Variants in ITGAX observed in about 807,000 individuals in gnomAD.
ITGAX encodes the protein integrin alpha-X.
A neutral mutation model predicts 140.2 loss-of-function variants in ITGAX; 99 were observed. The observed-to-expected ratio is 0.71, with a 90% CI of 0.60 to 0.83. The LOEUF (loss-of-function observed/expected upper bound fraction) is 0.83. Among genes scored for constraint, ITGAX ranks in the 40% least tolerant of loss-of-function variants. The pLI, the probability that ITGAX is intolerant of heterozygous loss-of-function variation, is 0.00. For synonymous variants in ITGAX, 631 were observed against 600.4 expected (o/e 1.05, Z -0.75); for missense variants, 1,444 against 1,482.0 (o/e 0.97, Z 0.42).
intron 14 of ITGAX, among the ~76,000 whole-genome samples, chr16:31,364,130 A>G (rs1377824613): frequency 6.6e-6 from 1 of 152,168 alleles, no homozygotes; most frequent in Non-Finnish European, 1.5e-5. Flanking sequence ...CTGTTAAAAA[A>G]TAGGCAAAGG....
chr16:31,380,766 G>A, intron 28 of ITGAX, 131 bp from the exon 29 acceptor site: 19 of 1,260,338 alleles, frequency 1.5e-5, no homozygotes, highest in Non-Finnish European at 2.1e-5. Context: ...AAGGGCACGG[G>A]TGCTGCTGTG....
rs1479931216 is a variant in ITGAX at position 31,382,277 on chromosome 16, G to A, written c.*370G>A. The A allele has an allele frequency of 4.3e-4, 386 of 894,106 alleles. 2 individuals are homozygous for A. The highest frequency in any genetic ancestry group is 2.0e-3 in the Middle Eastern group (5 of 2,534). The allele number at this position is 894,106 out of a possible 1,614,324, so 55.4% of individuals were successfully genotyped here. A position where few individuals can be genotyped will look rare whatever the true frequency, so the allele number is the denominator to read the frequency against. On this transcript the variant is annotated 3_prime_UTR_variant, in exon 30 of 30. Transcript: ENST00000268296. ...TTTTTTTTTTTTGAGACGGAGTCTC[G>A]CTCTGTCACCCAGGCTGGAGTGCAA... is the stretch of plus-strand genomic sequence containing the variant.
intron 12 of ITGAX, 31 bp from the exon 13 acceptor site, chr16:31,362,904 C>T: frequency 3.1e-6 from 5 of 1,610,494 alleles, no homozygotes; most frequent in Non-Finnish European, 4.2e-6. Flanking sequence ...CTGGCAGGGA[C>T]AGGCAGCATG....
intron 14 of ITGAX, among the ~76,000 whole-genome samples, chr16:31,367,400 G>A (rs895999918): frequency 1.7e-4 from 26 of 152,204 alleles, no homozygotes; most frequent in Admixed American, 2.0e-4. Context: ...TGGCTTCAAA[G>A]CTTCAAAGGA....
At chr16:31,369,194 G>A (rs1201591022) in intron 14 of ITGAX, among the ~76,000 whole-genome samples, 2 of 151,536 alleles carry the variant, frequency 1.3e-5, no homozygotes, top group Admixed American at 6.6e-5. Context: ...CCGGGCAGAG[G>A]TGCCCCTCAC....
chr16:31,369,468 T>G (rs567034069), intron 14 of ITGAX, among the ~76,000 whole-genome samples: 1 of 152,370 alleles, frequency 6.6e-6, no homozygotes, highest in South Asian at 2.1e-4. Flanking sequence ...AGAAATTTCA[T>G]GAAAGGAAGA....
chr16:31,358,699 G>A (rs1209448717), intron 5 of ITGAX, among the ~76,000 whole-genome samples: 1 of 152,056 alleles, frequency 6.6e-6, no homozygotes, highest in Non-Finnish European at 1.5e-5. Flanking sequence ...ATTGCTGGAT[G>A]GGGTGACATT....
chr16:31,369,358 G>A (rs1045827829), intron 14 of ITGAX, among the ~76,000 whole-genome samples: 9 of 152,110 alleles, frequency 5.9e-5, no homozygotes, highest in African/African-American at 1.9e-4. Flanking sequence ...TTCCCAGTAG[G>A]GGCGGCCGGG....
chr16:31,361,486 C>T, intron 9 of ITGAX: 1 of 670,456 alleles, frequency 1.5e-6, no homozygotes, highest in Non-Finnish European at 2.7e-6. Context: ...GTGCCAGGCC[C>T]AACCCAGGAG....
rs1183073122 is a variant in ITGAX at position 31,382,588 on chromosome 16, C to T, written c.*681C>T. The T allele has an allele frequency of 6.8e-6, 5 of 736,068 alleles. No individual in the cohort carries two copies. Among genetic ancestry groups the T allele is most frequent in the Admixed American group, 2.0e-5 (1 of 49,862 alleles). The allele number at this position is 736,068 out of a possible 1,614,324, so 45.6% of individuals were successfully genotyped here. A position where few individuals can be genotyped will look rare whatever the true frequency, so the allele number is the denominator to read the frequency against. ...AGAGGCTCTGTGCCCCCATCACCCT[C>T]GTTTCCAGTGAATTAGTGTCATGTC... On this transcript the variant is annotated 3_prime_UTR_variant, in exon 30 of 30. Transcript: ENST00000268296.
At chr16:31,372,117 G>T (rs2080970613) in intron 17 of ITGAX, among the ~76,000 whole-genome samples, 1 of 152,018 alleles carries the variant, frequency 6.6e-6, no homozygotes, top group Non-Finnish European at 1.5e-5. Context: ...CTTGCCCTGG[G>T]GGCCAGGGGC....
intron 20 of ITGAX, among the ~76,000 whole-genome samples, chr16:31,374,427 G>A (rs2081000842): frequency 6.6e-6 from 1 of 152,000 alleles, no homozygotes; most frequent in African/African-American, 2.4e-5. Context: ...TTTCCCCTTT[G>A]CTAAGGTATT....
At chr16:31,360,172 T>C in intron 7 of ITGAX, 107 bp downstream of exon 7, 3 of 1,529,504 alleles carry the variant, frequency 2.0e-6, no homozygotes, top group Non-Finnish European at 2.7e-6. Flanking sequence ...ATCCAGCCCG[T>C]GATACCCTTG....
rs1325396249 is a variant in ITGAX at position 31,380,024 on chromosome 16, G to C, written c.3019G>C (p.Ala1007Pro). 3.7e-6 allele frequency: 6 copies of C among 1,614,182 alleles called. No homozygotes were observed. The East Asian group carries it at 1.3e-4, about 36-fold the overall frequency. The change falls in exon 26 of 30, where the codon GCA (alanine) becomes CCA (proline). Residue 1007 changes from alanine to proline, a missense_variant. Transcript: ENST00000268296. ...CTCCTCAGAGAAAATCGCACCCCCAGCATCTGACTTCCTGGCGCACATTCA... is the reference window on the plus strand; with the variant it reads ...CTCCTCAGAGAAAATCGCACCCCCACCATCTGACTTCCTGGCGCACATTCA... ...RCSSEKIAPP[A>P]SDFLAHIQKN...
chr16:31,381,549 G>C (rs949727500), intron 29 of ITGAX, among the ~76,000 whole-genome samples: 2 of 152,108 alleles, frequency 1.3e-5, no homozygotes, highest in African/African-American at 4.8e-5. Context: ...ACAAAAATTA[G>C]TTGGGCATGG....
At position 31,363,080 on chromosome 16, in the gene ITGAX, G is replaced by A; in HGVS notation, c.1500+5G>A. 4 of 1,608,354 alleles carry A rather than the reference G, an allele frequency of 2.5e-6. No homozygotes were observed. Among genetic ancestry groups the A allele is most frequent in the Non-Finnish European group, 2.5e-6 (3 of 1,177,794 alleles). On this transcript the variant is annotated splice_donor_5th_base_variant and intron_variant, in intron 13 of 29. Coordinates refer to ENST00000268296, the MANE Select transcript of ITGAX (RefSeq NM_000887.5). ...GTGTGTCCCTTGCCCAGGGGGGTGA[G>A]TGGCTGATGGGCCTGGGGTGGGTGG... is the stretch of plus-strand genomic sequence containing the variant.
Position 31,377,024 on chromosome 16 carries a change from G to A in ITGAX, c.2650G>A (p.Val884Ile), listed in dbSNP as rs946699001. The A allele has an allele frequency of 1.8e-5, 29 of 1,613,958 alleles. No homozygotes were observed. Among genetic ancestry groups the A allele is most frequent in the South Asian group, 4.4e-5 (4 of 91,076 alleles). Residue 884 changes from valine (V) to isoleucine (I), a missense_variant, in exon 22 of 30, where the codon GTC (valine) becomes ATC (isoleucine). Val to Ile is a conservative substitution (Grantham distance 29). Coordinates refer to ENST00000268296, the MANE Select transcript of ITGAX (RefSeq NM_000887.5). Reference protein sequence around the residue: ...AQITFLATFDVSPKAVLGDRL... With the variant: ...AQITFLATFDISPKAVLGDRL... ...GATCACCTTCTTGGCTACCTTTGAC[G>A]TCTCCCCCAAGGCTGTCCTGGGAGA...
intron 17 of ITGAX, among the ~76,000 whole-genome samples, chr16:31,372,077 G>A (rs563640295): frequency 2.0e-5 from 3 of 152,130 alleles, no homozygotes; most frequent in East Asian, 3.9e-4. Flanking sequence ...ACTGGACAGG[G>A]GTTTATCGAG....
intron 7 of ITGAX, 79 bp downstream of exon 7, chr16:31,360,144 G>T: frequency 1.9e-6 from 3 of 1,560,286 alleles, no homozygotes; most frequent in Non-Finnish European, 2.6e-6. Context: ...CACGAGAAGG[G>T]GACAGGCAGG....
Sources: gnomAD v4.1 joint callset for allele counts (sites outside exome capture counted in the v4.1 genomes callset) on GRCh38, gnomAD v4.1.1 for gene constraint, MANE v1.5 for transcripts, NCBI Gene and HGNC (gene_info 2026-07-23, HGNC 2026-07-21) for gene names.